Variants in C12orf56 observed in about 807,000 individuals in gnomAD.
The protein encoded by C12orf56 is chromosome 12 open reading frame 56.
In C12orf56, 71 loss-of-function variants were observed where a neutral mutation model predicts 69.9. The observed-to-expected ratio is 1.02, with a 90% confidence interval of 0.84 to 1.24. C12orf56 has a LOEUF of 1.24. Ranked by LOEUF, C12orf56 falls within the 50% of genes most tolerant of loss-of-function variation. The probability of loss-of-function intolerance (pLI) is 0.00; values close to 1 mark genes in which losing one functional copy is unlikely to be tolerated. For synonymous variants in C12orf56, 276 were observed against 274.1 expected (o/e 1.01, Z -0.07); for missense variants, 732 against 738.5 (o/e 0.99, Z 0.10).
chr12:64,349,895 C>T (rs2039198076), intron 2 of C12orf56, among the ~76,000 whole-genome samples: 1 of 152,080 alleles, frequency 6.6e-6, no homozygotes, highest in Non-Finnish European at 1.5e-5. Context: ...AATTCGAGAC[C>T]AGCCTGGCCA....
At chr12:64,387,513 AAAAAAAACAAAAC>A (rs2039810285) in intron 1 of C12orf56, among the ~76,000 whole-genome samples, 1 of 152,236 alleles carries the variant, frequency 6.6e-6, no homozygotes, top group East Asian at 1.9e-4. Context: ...CTCACAGGTA[AAAAAAAACAAAAC>A]AAAAAAACAA....
At position 64,329,659 on chromosome 12, in the gene C12orf56, A is replaced by G. The variant is rs1292387679; in HGVS notation, c.488+1301T>C. ...TCATCTAGCATTAGGTATATCTCCCAATGCTATCCCTCCCCCCTCCCCCCA... is the reference window on the plus strand; with the variant it reads ...TCATCTAGCATTAGGTATATCTCCCGATGCTATCCCTCCCCCCTCCCCCCA... On this transcript the variant is annotated intron_variant, in intron 3 of 12. Transcript: ENST00000543942. Among the ~76,000 whole-genome samples the G allele has an allele frequency of 3.7e-5, 5 of 134,452 alleles. No homozygotes were observed. In the South Asian group the frequency reaches 1.1e-3, roughly 29 times the overall value. The allele number at this position is 134,452 out of a possible 152,430, so 88.2% of individuals were successfully genotyped here. A position where few individuals can be genotyped will look rare whatever the true frequency, so the allele number is the denominator to read the frequency against.
chr12:64,292,974 T>C (rs1006872728), intron 6 of C12orf56, among the ~76,000 whole-genome samples: 2 of 149,782 alleles, frequency 1.3e-5, no homozygotes, highest in Middle Eastern at 3.2e-3. Context: ...TGCAGTTTGA[T>C]CTCAGACTGC....
At chr12:64,272,357 TA>T (rs2038000723) in intron 11 of C12orf56, among the ~76,000 whole-genome samples, 1 of 151,608 alleles carries the variant, frequency 6.6e-6, no homozygotes, top group African/African-American at 2.4e-5. Context: ...ATACAAAAAT[TA>T]GCCAGTCGTG....
intron 11 of C12orf56, among the ~76,000 whole-genome samples, chr12:64,271,029 G>T (rs958229710): frequency 2.0e-5 from 3 of 152,136 alleles, no homozygotes; most frequent in Non-Finnish European, 4.4e-5. Context: ...AGTCAGGCGT[G>T]GTGGTGCATG....
chr12:64,386,398 ATT>A (rs768370363), intron 1 of C12orf56, among the ~76,000 whole-genome samples: 12 of 87,330 alleles, frequency 1.4e-4, no homozygotes, highest in Admixed American at 6.3e-4. Flanking sequence ...ATATATATAT[ATT>A]TTTTTTTTTT....
At chr12:64,307,606 C>T (rs1440225676) in intron 5 of C12orf56, among the ~76,000 whole-genome samples, 3 of 151,746 alleles carry the variant, frequency 2.0e-5, no homozygotes, top group Non-Finnish European at 4.4e-5. Context: ...TGACCTCAAA[C>T]GATCTGCCCG....
At chr12:64,343,929 A>G (rs1380054602) in intron 2 of C12orf56, among the ~76,000 whole-genome samples, 1 of 152,150 alleles carries the variant, frequency 6.6e-6, no homozygotes, top group Non-Finnish European at 1.5e-5. Context: ...TATGCCAATT[A>G]TGCTGTCTGG....
At chr12:64,308,166 C>G (rs1036517036) in intron 5 of C12orf56, among the ~76,000 whole-genome samples, 1 of 151,426 alleles carries the variant, frequency 6.6e-6, no homozygotes, top group Non-Finnish European at 1.5e-5. Flanking sequence ...TAAAAAACTA[C>G]ACAAAATTAG....
chr12:64,297,200 T>G (rs1294632407), intron 6 of C12orf56, among the ~76,000 whole-genome samples: 1 of 152,148 alleles, frequency 6.6e-6, no homozygotes, highest in African/African-American at 2.4e-5. Flanking sequence ...TAAAAAAATC[T>G]TAAAGGATGT....
rs148894442 is a variant in C12orf56, at chr12:64,271,060, G to A, written c.1585-346C>T. On this transcript the variant is annotated intron_variant, in intron 11 of 12. Transcript: ENST00000543942. ...GCATGCCTGTAATCCCAGCTACTCA[G>A]GAGGCTGAGGCAGGAAAGTCGCTTA... Among the ~76,000 whole-genome samples, 1,345 of 152,298 alleles carry A rather than the reference G, an allele frequency of 8.8e-3. 7 individuals carry two copies. The highest frequency in any genetic ancestry group is 0.014 in the Non-Finnish European group (976 of 68,024).
chr12:64,307,943 G>A (rs752327928), intron 5 of C12orf56, among the ~76,000 whole-genome samples: 7 of 152,050 alleles, frequency 4.6e-5, no homozygotes, highest in African/African-American at 7.3e-5. Flanking sequence ...TTGAGCCCAG[G>A]AGGTCGAGGC....
At chr12:64,348,772 T>C (rs752007223) in intron 2 of C12orf56, among the ~76,000 whole-genome samples, 2 of 152,242 alleles carry the variant, frequency 1.3e-5, no homozygotes, top group Non-Finnish European at 2.9e-5. Context: ...AAGGTTGTTA[T>C]GTTAAGTTTT....
At chr12:64,316,228 C>T (rs564184823) in intron 4 of C12orf56, among the ~76,000 whole-genome samples, 2 of 152,002 alleles carry the variant, frequency 1.3e-5, no homozygotes, top group South Asian at 2.1e-4. Context: ...CTCAGCCTCC[C>T]GAGTACATGC....
chr12:64,345,004 C>A (rs1219583451), intron 2 of C12orf56, among the ~76,000 whole-genome samples: 1 of 152,148 alleles, frequency 6.6e-6, no homozygotes, highest in South Asian at 2.1e-4. Flanking sequence ...ATAAATTCAG[C>A]CTGATCCAAC....
At chr12:64,342,623 T>C (rs2039089435) in intron 2 of C12orf56, among the ~76,000 whole-genome samples, 1 of 152,194 alleles carries the variant, frequency 6.6e-6, no homozygotes. Context: ...CATTTGATGA[T>C]GGAATGCTGC....
intron 2 of C12orf56, among the ~76,000 whole-genome samples, chr12:64,344,967 GAGTCC>G (rs1252325058): frequency 2.6e-5 from 4 of 152,126 alleles, no homozygotes; most frequent in Non-Finnish European, 5.9e-5. Flanking sequence ...ATTAAACGCA[GAGTCC>G]CTACTTAGTG....
chr12:64,296,688 G>A (rs1351024713), intron 6 of C12orf56, among the ~76,000 whole-genome samples: 1 of 152,202 alleles, frequency 6.6e-6, no homozygotes, highest in Non-Finnish European at 1.5e-5. Flanking sequence ...GCAGAATGCT[G>A]TAGTCTGAAT....
At chr12:64,269,598 T>C (rs2037955606) in intron 12 of C12orf56, among the ~76,000 whole-genome samples, 1 of 152,132 alleles carries the variant, frequency 6.6e-6, no homozygotes, top group Admixed American at 6.6e-5. Context: ...TTTACACTTT[T>C]TTTTTTTTGA....
Sources: gnomAD v4.1 joint callset for allele counts (sites outside exome capture counted in the v4.1 genomes callset) on GRCh38, gnomAD v4.1.1 for gene constraint, MANE v1.5 for transcripts, NCBI Gene and HGNC (gene_info 2026-07-23, HGNC 2026-07-21) for gene names.